The following DNTT variants were observed in gnomAD, a reference collection of about 807,000 sequenced individuals.
DNTT encodes the protein DNA nucleotidylexotransferase, also known as nucleosidetriphosphate:DNA deoxynucleotidylexotransferase.
A neutral mutation model predicts 60.9 loss-of-function variants in DNTT; 47 were observed. That is an observed-to-expected ratio of 0.77 (90% CI 0.61 to 0.98). The LOEUF (loss-of-function observed/expected upper bound fraction) is 0.98, where lower values mean the gene tolerates loss of function less well. Ranked by LOEUF, DNTT falls within the 50% of genes least tolerant of loss-of-function variation. The pLI, the probability that DNTT is intolerant of heterozygous loss-of-function variation, is 0.00. For synonymous variants in DNTT, 224 were observed against 221.2 expected, an observed-to-expected ratio of 1.01 and a Z score of -0.11; for missense variants, 665 against 627.5, an observed-to-expected ratio of 1.06 and a Z score of -0.64.
At chr10:96,319,124 G>A (rs1844830056) in intron 2 of DNTT, 138 bp from the exon 3 acceptor site, 2 of 849,960 alleles carry the variant, frequency 2.4e-6, no homozygotes, top group South Asian at 2.8e-5. Flanking sequence ...TCAAATATTA[G>A]AGATGTATAT....
chr10:96,305,098 G>A (rs1844618591), intron 1 of DNTT, among the ~76,000 whole-genome samples: 2 of 152,172 alleles, frequency 1.3e-5, no homozygotes, highest in Admixed American at 6.5e-5. Context: ...AGATGATTTG[G>A]TTGCTTGGTT....
intron 1 of DNTT, among the ~76,000 whole-genome samples, chr10:96,313,970 G>C (rs934849067): frequency 2.0e-5 from 3 of 152,226 alleles, no homozygotes; most frequent in African/African-American, 7.2e-5. Context: ...CAGAGAGCCT[G>C]ACAGCCTCCC....
chr10:96,328,304 G>A (rs951715501), intron 7 of DNTT, among the ~76,000 whole-genome samples: 2 of 152,180 alleles, frequency 1.3e-5, no homozygotes, highest in South Asian at 2.1e-4. Flanking sequence ...TTTGGGGCAA[G>A]GAAGAAAGTA....
intron 2 of DNTT, 83 bp downstream of exon 2, chr10:96,318,609 C>T (rs1718546482): frequency 6.7e-7 from 1 of 1,503,468 alleles, no homozygotes; most frequent in Admixed American, 2.1e-5. Context: ...CTGGGGTAAA[C>T]CCTAAATTCT....
At chr10:96,336,423 A>T (rs535369474) in intron 10 of DNTT, among the ~76,000 whole-genome samples, 1 of 152,352 alleles carries the variant, frequency 6.6e-6, no homozygotes, top group Non-Finnish European at 1.5e-5. Flanking sequence ...GCCCTGAGAC[A>T]TAAATGAGCA....
At position 96,318,521 on chromosome 10, in the gene DNTT, CTTG is replaced by C. The variant is rs759987998; in HGVS notation, c.378_378+2del. 1 of 1,612,996 alleles carries C rather than the reference CTTG, an allele frequency of 6.2e-7. No homozygotes were observed. Among genetic ancestry groups the C allele is most frequent in the Non-Finnish European group, 8.5e-7 (1 of 1,179,394 alleles). ...GGTGGAAATGACAGGAAAACACCAG[CTTG>C]TTGTAAGTGTCATGGGTGTGATTTT... is the stretch of plus-strand genomic sequence containing the variant. On this transcript the variant is annotated inframe_deletion and splice_region_variant, in exon 2 of 11. Transcript: ENST00000371174.
chr10:96,327,399 C>A, intron 6 of DNTT, 69 bp from the exon 7 acceptor site: 1 of 1,611,578 alleles, frequency 6.2e-7, no homozygotes, highest in Non-Finnish European at 8.5e-7. Flanking sequence ...ACAGAATCCC[C>A]TTCTACTGAG....
rs750494811 is a variant in DNTT at position 96,318,394 on chromosome 10, G to A, written c.246G>A (p.Ser82=). The change falls in exon 2 of 11, where the codon TCG becomes TCA. Residue 82 remains serine (S), a synonymous_variant. Coordinates refer to ENST00000371174, the MANE Select transcript of DNTT (RefSeq NM_004088.4). ...THIVAENNSG[S]DVLEWLQAQK... ...TCGTAGCAGAGAACAACTCGGGTTC[G>A]GATGTTCTGGAGTGGCTTCAAGCAC... The A allele has an allele frequency of 1.9e-5, 31 of 1,613,272 alleles. No individual in the cohort carries two copies. In the East Asian group the frequency reaches 3.6e-4, roughly 19 times the overall value.
At chr10:96,334,578 G>A (rs918058103) in intron 9 of DNTT, among the ~76,000 whole-genome samples, 1 of 152,152 alleles carries the variant, frequency 6.6e-6, no homozygotes, top group Non-Finnish European at 1.5e-5. Flanking sequence ...CTCAGCCGTG[G>A]GTTAAATGTC....
intron 1 of DNTT, among the ~76,000 whole-genome samples, chr10:96,314,845 A>G (rs1159704693): frequency 6.6e-6 from 1 of 152,172 alleles, no homozygotes; most frequent in African/African-American, 2.4e-5. Flanking sequence ...TAACATTTCC[A>G]GTATTGGAGT....
chr10:96,317,673 G>T (rs1219755377), intron 1 of DNTT, among the ~76,000 whole-genome samples: 2 of 152,136 alleles, frequency 1.3e-5, no homozygotes. Flanking sequence ...CGAGAGAGCT[G>T]CCTTCCCCTT....
At chr10:96,336,910 C>G (rs1845078706) in intron 10 of DNTT, among the ~76,000 whole-genome samples, 1 of 144,650 alleles carries the variant, frequency 6.9e-6, no homozygotes, top group East Asian at 2.1e-4. Flanking sequence ...TGCACTCCAG[C>G]CTGGGCAACA....
rs1162135194 is a variant in DNTT, at chr10:96,327,538, T to C, written c.945T>C (p.Val315=). Residue 315 remains valine, a synonymous_variant, in exon 7 of 11, where the codon GTT becomes GTC. Transcript: ENST00000371174. ...RAEAEAVSVL[V]KEAVWAFLPD... ...AAGCAGAGGCCGTCAGTGTGCTGGT[T>C]AAAGAGGCTGTCTGGGCATTTCTTC... 1 of 1,614,120 alleles carries C rather than the reference T, an allele frequency of 6.2e-7. No homozygotes were observed. The highest frequency in any genetic ancestry group is 1.1e-5 in the South Asian group (1 of 91,076).
intron 10 of DNTT, among the ~76,000 whole-genome samples, chr10:96,337,415 G>C (rs1845085899): frequency 6.6e-6 from 1 of 152,236 alleles, no homozygotes; most frequent in African/African-American, 2.4e-5. Context: ...GAAAAATCCA[G>C]GTGCTGCTCA....
At chr10:96,333,695 T>A (rs1207531886) in intron 9 of DNTT, among the ~76,000 whole-genome samples, 1 of 152,246 alleles carries the variant, frequency 6.6e-6, no homozygotes, top group Non-Finnish European at 1.5e-5. Flanking sequence ...GACATTATGT[T>A]AAGTGGAATA....
chr10:96,316,552 C>T lies in DNTT; in HGVS notation c.204-1800C>T, dbSNP rs549000954. ...ACCTTCTAGAATGTAGTTGTCCCTA[C>T]GAATTCAGCCACATCTACAATTACT... On this transcript the variant is annotated intron_variant, in intron 1 of 10. Coordinates refer to ENST00000371174, the MANE Select transcript of DNTT (RefSeq NM_004088.4). Among the ~76,000 whole-genome samples, 86 of 152,288 alleles carry T rather than the reference C, an allele frequency of 5.6e-4. 1 individual carries two copies. Among genetic ancestry groups the T allele is most frequent in the Admixed American group, 2.5e-3 (39 of 15,298 alleles).
At position 96,332,570 on chromosome 10, in the gene DNTT, G is replaced by A. The variant is rs149947558; in HGVS notation, c.1333G>A (p.Ala445Thr). The A allele has an allele frequency of 5.1e-5, 82 of 1,613,350 alleles. No individual in the cohort carries two copies. Among genetic ancestry groups the A allele is most frequent in the Admixed American group, 1.0e-4 (6 of 59,964 alleles). The part of the protein sequence containing the change: ...VLCPYERRAF[A>T]LLGWTGSRQF... The stretch of plus-strand genomic sequence containing the variant: ...GTGCCCCTACGAGCGTCGTGCCTTT[G>A]CCCTGTTGGGATGGACTGGCTCCCG... Residue 445 changes from alanine (A) to threonine (T), a missense_variant, in exon 9 of 11, where the codon GCC becomes ACC. By Grantham distance (58) the Ala-to-Thr change is moderately conservative (BLOSUM62 0). Transcript: ENST00000371174.
In DNTT at chr10:96,318,340, T is replaced by G; in HGVS notation, c.204-12T>G. 1.2e-6 allele frequency: 2 copies of G among 1,603,390 alleles called. No individual in the cohort carries two copies. Among genetic ancestry groups the G allele is most frequent in the South Asian group, 1.1e-5 (1 of 89,790 alleles). The stretch of plus-strand genomic sequence containing the variant: ...GATGTTTCAGCTGGTAACTCTGTCT[T>G]GCATTTTGCAGTGATTCTGTCACCC... On this transcript the variant is annotated splice_polypyrimidine_tract_variant and intron_variant, in intron 1 of 10. Transcript: ENST00000371174.
At chr10:96,305,677 C>T (rs909131155) in intron 1 of DNTT, among the ~76,000 whole-genome samples, 3 of 152,124 alleles carry the variant, frequency 2.0e-5, no homozygotes, top group Non-Finnish European at 4.4e-5. Flanking sequence ...TATAAATAGT[C>T]TTTGATATTT....
Sources: gnomAD v4.1 joint callset for allele counts (sites outside exome capture counted in the v4.1 genomes callset) on GRCh38, gnomAD v4.1.1 for gene constraint, MANE v1.5 for transcripts, NCBI Gene and HGNC (gene_info 2026-07-23, HGNC 2026-07-21) for gene names.